RIMS2: variants seen among roughly 807,000 people sequenced by gnomAD.
RIMS2 encodes regulating synaptic membrane exocytosis 2, also known as regulating synaptic membrane exocytosis protein 2.
A neutral mutation model predicts 174.4 loss-of-function variants in RIMS2; 59 were observed. That is an observed-to-expected ratio of 0.34 (90% CI 0.27 to 0.42). The LOEUF is 0.42. RIMS2 is among the 10% of genes least tolerant of loss of function. The pLI is 1.00. For synonymous variants in RIMS2, 606 were observed against 572.5 expected (o/e 1.06, Z -0.84); for missense variants, 1,620 against 1,666.3 (o/e 0.97, Z 0.48).
At chr8:103,615,694 C>A (rs1177874988) in intron 1 of RIMS2, among the ~76,000 whole-genome samples, 4 of 152,150 alleles carry the variant, frequency 2.6e-5, no homozygotes, top group Admixed American at 1.3e-4. Context: ...AGGAATGTTA[C>A]TACTGACACC....
intron 16 of RIMS2, among the ~76,000 whole-genome samples, chr8:103,979,681 G>T (rs1024619574): frequency 6.6e-6 from 1 of 152,200 alleles, no homozygotes; most frequent in Non-Finnish European, 1.5e-5. Context: ...AAGTGACATT[G>T]AGGAGGGTTG....
chr8:104,250,513 T>G (rs1482990162), intron 22 of RIMS2, among the ~76,000 whole-genome samples: 1 of 152,220 alleles, frequency 6.6e-6, no homozygotes, highest in Non-Finnish European at 1.5e-5. Flanking sequence ...AAGTGTCTGT[T>G]GGATAAATTT....
At chr8:103,853,510 T>C (rs1017852317) in intron 3 of RIMS2, among the ~76,000 whole-genome samples, 3 of 152,132 alleles carry the variant, frequency 2.0e-5, no homozygotes, top group African/African-American at 7.2e-5. Flanking sequence ...ATTTTAATAG[T>C]TTGAGGTCTT....
chr8:103,758,967 A>T (rs2140065113), intron 2 of RIMS2, among the ~76,000 whole-genome samples: 1 of 152,304 alleles, frequency 6.6e-6, no homozygotes, highest in Non-Finnish European at 1.5e-5. Flanking sequence ...AGCTGAGGGT[A>T]TTTGGGGAAA....
intron 1 of RIMS2, among the ~76,000 whole-genome samples, chr8:103,587,763 C>T (rs1332598244): frequency 1.3e-5 from 2 of 151,964 alleles, no homozygotes; most frequent in Non-Finnish European, 2.9e-5. Context: ...CATACTTCAA[C>T]ATAATAAAAG....
chr8:103,962,322 A>G (rs1444998887), intron 15 of RIMS2, among the ~76,000 whole-genome samples: 2 of 152,042 alleles, frequency 1.3e-5, no homozygotes, highest in East Asian at 3.9e-4. Flanking sequence ...TTTTTCATTT[A>G]TTTGGGTTAA....
intron 2 of RIMS2, among the ~76,000 whole-genome samples, chr8:103,711,373 A>C (rs2097301223): frequency 6.6e-6 from 1 of 152,152 alleles, no homozygotes; most frequent in South Asian, 2.1e-4. Context: ...TTTTGGCAAG[A>C]TTCTATTGCC....
chr8:103,660,543 G>C (rs1424499511), intron 1 of RIMS2, among the ~76,000 whole-genome samples: 1 of 152,154 alleles, frequency 6.6e-6, no homozygotes, highest in Non-Finnish European at 1.5e-5. Flanking sequence ...AATGAAATCA[G>C]GGGGCTGTAT....
rs140613007 is a variant in RIMS2, at chr8:103,547,600, C to A, written c.176+46538C>A. On this transcript the variant is annotated intron_variant, in intron 1 of 23. Coordinates refer to ENST00000504942, the Ensembl canonical transcript of RIMS2. ...CAGCCTAACATCATAGCGAGAGGAA[C>A]TAGAGAAACAAGAGCAAACCAACCC... 1.2e-4 allele frequency among the ~76,000 whole-genome samples: 19 copies of A among 152,150 alleles called. No individual in the cohort carries two copies. The East Asian group carries it at 3.7e-3, about 29-fold the overall frequency.
At chr8:104,163,288 T>C (rs2098775290) in intron 19 of RIMS2, among the ~76,000 whole-genome samples, 1 of 152,192 alleles carries the variant, frequency 6.6e-6, no homozygotes, top group African/African-American at 2.4e-5. Flanking sequence ...ACTTTTAGTA[T>C]AACAGTATAT....
rs1027116202 is a variant in RIMS2, at chr8:103,565,298, G to A, written c.176+64236G>A. Among the ~76,000 whole-genome samples the A allele has an allele frequency of 2.0e-5, 3 of 150,554 alleles. No individual in the cohort carries two copies. The East Asian group carries it at 5.8e-4, about 29-fold the overall frequency. Reference sequence around the variant, plus strand: ...GGGAGGGAGAAGGAAATCTGATTTTGTGCTGTTTAATGTTTTTTTTTTTGG... The same window carrying A: ...GGGAGGGAGAAGGAAATCTGATTTTATGCTGTTTAATGTTTTTTTTTTTGG... On this transcript the variant is annotated intron_variant, in intron 1 of 23. Transcript: ENST00000504942.
intron 3 of RIMS2, among the ~76,000 whole-genome samples, chr8:103,817,032 C>A (rs1390848): frequency 0.4 from 61,134 of 151,852 alleles, 12,752 homozygotes; most frequent in African/African-American, 0.44. Context: ...ATTTTTTCCC[C>A]TCACAGATAG....
intron 4 of RIMS2, among the ~76,000 whole-genome samples, chr8:103,895,143 GTTC>G (rs1362387763): frequency 7.1e-6 from 1 of 141,472 alleles, no homozygotes; most frequent in Non-Finnish European, 1.5e-5. Context: ...TACTTACTGA[GTTC>G]TTATTTTCCT....
chr8:103,966,644 G>GT (rs1278893442), intron 15 of RIMS2, among the ~76,000 whole-genome samples: 2 of 151,716 alleles, frequency 1.3e-5, no homozygotes, highest in African/African-American at 4.8e-5. Context: ...TATTTATTTT[G>GT]TAACTGCTTA....
rs757814305 is a variant in RIMS2, at chr8:104,223,793, G to A, written c.3335-21123G>A. ...GAACTCCCTGGAGGAGGAAGAAGGA[G>A]GTGAGACACCCCTTCCCCCGTAGTT... is the stretch of plus-strand genomic sequence containing the variant. On this transcript the variant is annotated intron_variant, in intron 19 of 23. Coordinates refer to ENST00000504942, the Ensembl canonical transcript of RIMS2. 3 of 1,595,928 alleles carry A rather than the reference G, an allele frequency of 1.9e-6. No individual in the cohort carries two copies. In the East Asian group the frequency reaches 6.7e-5, roughly 36 times the overall value.
At chr8:104,199,553 T>C (rs529855852) in intron 19 of RIMS2, among the ~76,000 whole-genome samples, 1 of 152,284 alleles carries the variant, frequency 6.6e-6, no homozygotes, top group South Asian at 2.1e-4. Flanking sequence ...GCCAGACTGG[T>C]ACATTTTTAA....
chr8:103,601,144 C>G (rs922603960), intron 1 of RIMS2, among the ~76,000 whole-genome samples: 3 of 152,198 alleles, frequency 2.0e-5, no homozygotes, highest in Non-Finnish European at 2.9e-5. Flanking sequence ...AAAATATTTT[C>G]TCCCATTCTG....
In RIMS2 at chr8:103,787,868, T is replaced by C. The variant is rs1245738592; in HGVS notation, c.698+21331T>C. Among the ~76,000 whole-genome samples, 10 of 152,254 alleles carry C rather than the reference T, an allele frequency of 6.6e-5. No individual in the cohort carries two copies. The East Asian group carries it at 1.2e-3, about 18-fold the overall frequency. ...CTGGATAATATCCTGCAGAGTGTTTTCCAACTTGGTTCCATTCTCCCCATC... is the reference window on the plus strand; with the variant it reads ...CTGGATAATATCCTGCAGAGTGTTTCCCAACTTGGTTCCATTCTCCCCATC... On this transcript the variant is annotated intron_variant, in intron 3 of 23. Transcript: ENST00000504942.
At chr8:103,524,701 A>T (rs1227259265) in intron 1 of RIMS2, among the ~76,000 whole-genome samples, 2 of 152,082 alleles carry the variant, frequency 1.3e-5, no homozygotes, top group African/African-American at 4.8e-5. Flanking sequence ...GATCCAGAAA[A>T]CCTATAGTCC....
Sources: allele counts gnomAD v4.1 joint callset (sites outside exome capture counted in the v4.1 genomes callset), GRCh38; gene constraint gnomAD v4.1.1; transcripts MANE v1.5; gene names NCBI Gene and HGNC (gene_info 2026-07-23, HGNC 2026-07-21).